The following PLPPR1 variants were observed in gnomAD, a reference collection of about 807,000 sequenced individuals.
The protein encoded by PLPPR1 is phospholipid phosphatase-related protein type 1.
PLPPR1 carries 10 observed loss-of-function variants against 33.1 expected under a neutral mutation model. The ratio of observed to expected loss-of-function variants is 0.30; its 90% confidence interval spans 0.19 to 0.51. PLPPR1 has a LOEUF of 0.51. PLPPR1 is among the 20% of genes least tolerant of loss of function. PLPPR1 has a pLI of 0.97. For synonymous variants in PLPPR1, 151 were observed against 151.0 expected, an observed-to-expected ratio of 1.00 and a Z score of 0.00; for missense variants, 304 against 408.1, an observed-to-expected ratio of 0.74 and a Z score of 2.20.
chr9:101,055,488 C>T (rs1194652334), intron 1 of PLPPR1, among the ~76,000 whole-genome samples: 2 of 152,150 alleles, frequency 1.3e-5, no homozygotes, highest in African/African-American at 4.8e-5. Context: ...AATTCCTTAG[C>T]GAATTGGATT....
At chr9:101,291,711 C>T (rs934261434) in intron 4 of PLPPR1, among the ~76,000 whole-genome samples, 82 of 152,330 alleles carry the variant, frequency 5.4e-4, no homozygotes, top group African/African-American at 1.8e-3. Flanking sequence ...CAAACTCCAA[C>T]AGACCCGCAG....
At chr9:101,293,353 G>T (rs1038145260) in intron 4 of PLPPR1, among the ~76,000 whole-genome samples, 2 of 151,766 alleles carry the variant, frequency 1.3e-5, no homozygotes, top group Non-Finnish European at 2.9e-5. Flanking sequence ...CAATAATAAT[G>T]GGAGACTTTA....
intron 2 of PLPPR1, among the ~76,000 whole-genome samples, chr9:101,236,651 G>A (rs1827306291): frequency 6.6e-6 from 1 of 150,770 alleles, no homozygotes; most frequent in Admixed American, 6.6e-5. Context: ...CATATCTATG[G>A]GTTATAGTGA....
intron 2 of PLPPR1, among the ~76,000 whole-genome samples, chr9:101,249,757 A>G (rs1394188974): frequency 6.6e-6 from 1 of 152,088 alleles, no homozygotes; most frequent in Admixed American, 6.6e-5. Context: ...AATACCCAAC[A>G]TAGGAATACT....
chr9:101,261,309 C>T (rs1244546871), intron 2 of PLPPR1, among the ~76,000 whole-genome samples: 1 of 152,122 alleles, frequency 6.6e-6, no homozygotes, highest in African/African-American at 2.4e-5. Flanking sequence ...CCCCATGAGT[C>T]CAAAGACCAT....
chr9:101,076,314 A>C (rs952938836), intron 1 of PLPPR1, among the ~76,000 whole-genome samples: 4 of 152,100 alleles, frequency 2.6e-5, no homozygotes, highest in African/African-American at 9.7e-5. Flanking sequence ...CTTTCAAGCA[A>C]AAGACTGAAA....
chr9:101,067,499 A>G (rs1392917261), intron 1 of PLPPR1, among the ~76,000 whole-genome samples: 1 of 152,038 alleles, frequency 6.6e-6, no homozygotes, highest in Non-Finnish European at 1.5e-5. Context: ...TAGCTAAAGG[A>G]CTTTAATAAG....
intron 1 of PLPPR1, among the ~76,000 whole-genome samples, chr9:101,118,535 C>T (rs1484018128): frequency 6.6e-6 from 1 of 152,036 alleles, no homozygotes; most frequent in Non-Finnish European, 1.5e-5. Flanking sequence ...TGGGGTTGCA[C>T]ATTGGTTGAG....
At chr9:101,259,819 T>C (rs1443348393) in intron 2 of PLPPR1, among the ~76,000 whole-genome samples, 1 of 152,094 alleles carries the variant, frequency 6.6e-6, no homozygotes, top group Admixed American at 6.5e-5. Flanking sequence ...AAGAGACAAA[T>C]GGTTGCATTC....
chr9:101,315,911 G>C (rs546749744), intron 6 of PLPPR1, among the ~76,000 whole-genome samples: 110 of 152,332 alleles, frequency 7.2e-4, no homozygotes, highest in African/African-American at 2.6e-3. Flanking sequence ...GTGGGAGGAA[G>C]GGGAAGGAAG....
chr9:101,030,453 A>T (rs1207456695), intron 1 of PLPPR1, among the ~76,000 whole-genome samples: 2 of 151,242 alleles, frequency 1.3e-5, no homozygotes, highest in Non-Finnish European at 2.9e-5. Flanking sequence ...TCACATCTGG[A>T]GCGTAAAAGA....
Position 101,324,618 on chromosome 9 carries a change from A to G in PLPPR1, c.*561A>G, listed in dbSNP as rs1180131162. 1.3e-5 allele frequency: 2 copies of G among 152,368 alleles called. No homozygotes were observed. Among genetic ancestry groups the G allele is most frequent in the Non-Finnish European group, 2.9e-5 (2 of 68,130 alleles). The allele number at this position is 152,368 out of a possible 1,614,324, so 9.4% of individuals were successfully genotyped here. A position where few individuals can be genotyped will look rare whatever the true frequency, so the allele number is the denominator to read the frequency against. ...TTTAAAGTGATATATTAACAAAGTCACCTAGTTATACAAACAATTGTCAGA... is the reference window on the plus strand; with the variant it reads ...TTTAAAGTGATATATTAACAAAGTCGCCTAGTTATACAAACAATTGTCAGA... On this transcript the variant is annotated 3_prime_UTR_variant, in exon 8 of 8. Transcript: ENST00000374874.
chr9:101,231,108 A>T (rs368053124), intron 2 of PLPPR1, among the ~76,000 whole-genome samples: 1 of 151,996 alleles, frequency 6.6e-6, no homozygotes, highest in Admixed American at 6.6e-5. Context: ...AAGCTTACAC[A>T]GCCATTTAGC....
intron 2 of PLPPR1, among the ~76,000 whole-genome samples, chr9:101,199,389 C>A (rs1381826989): frequency 1.3e-5 from 2 of 152,124 alleles, no homozygotes; most frequent in East Asian, 3.8e-4. Flanking sequence ...CCCAAGATTT[C>A]TAACCAGCAT....
chr9:101,139,390 A>G (rs935274461), intron 1 of PLPPR1, among the ~76,000 whole-genome samples: 4 of 152,194 alleles, frequency 2.6e-5, no homozygotes, highest in African/African-American at 9.7e-5. Flanking sequence ...TGAAGGAGAG[A>G]GAGAATCTGA....
intron 1 of PLPPR1, among the ~76,000 whole-genome samples, chr9:101,171,471 G>A (rs1020055330): frequency 6.6e-5 from 10 of 152,138 alleles, no homozygotes; most frequent in Admixed American, 2.0e-4. Context: ...TTTAGTCGGG[G>A]ATAGCTCAAG....
At chr9:101,029,704 C>T (rs1234348137) in intron 1 of PLPPR1, among the ~76,000 whole-genome samples, 1 of 152,106 alleles carries the variant, frequency 6.6e-6, no homozygotes, top group Admixed American at 6.5e-5. Flanking sequence ...CCAAAGGCGC[C>T]GGGGTGAGGC....
chr9:101,031,181 T>G (rs1165036971), intron 1 of PLPPR1, among the ~76,000 whole-genome samples: 1 of 152,210 alleles, frequency 6.6e-6, no homozygotes, highest in East Asian at 1.9e-4. Flanking sequence ...CTCTCATCAT[T>G]TTCTTTGAAA....
chr9:101,132,269 G>C (rs1418526767), intron 1 of PLPPR1, among the ~76,000 whole-genome samples: 1 of 152,126 alleles, frequency 6.6e-6, no homozygotes, highest in Non-Finnish European at 1.5e-5. Flanking sequence ...GTATGCCTAC[G>C]ATACTTGAGT....
Sources: gnomAD v4.1 joint callset for allele counts (sites outside exome capture counted in the v4.1 genomes callset) on GRCh38, gnomAD v4.1.1 for gene constraint, MANE v1.5 for transcripts, NCBI Gene and HGNC (gene_info 2026-07-23, HGNC 2026-07-21) for gene names.